Variants in RNF13 observed in about 807,000 individuals in gnomAD.
RNF13 encodes ring finger protein 13, also known as E3 ubiquitin-protein ligase RNF13.
RNF13 carries 19 observed loss-of-function variants against 37.7 expected under a neutral mutation model. The ratio of observed to expected loss-of-function variants is 0.50; its 90% confidence interval spans 0.35 to 0.74. The LOEUF (loss-of-function observed/expected upper bound fraction) is 0.74, where lower values mean the gene tolerates loss of function less well. Among genes scored for constraint, RNF13 ranks in the 30% least tolerant of loss-of-function variants. The pLI, the probability that RNF13 is intolerant of heterozygous loss-of-function variation, is 0.01. For missense variants in RNF13, 375 were observed against 453.0 expected, an observed-to-expected ratio of 0.83 and a Z score of 1.56; for synonymous variants, 144 against 157.8, an observed-to-expected ratio of 0.91 and a Z score of 0.65.
At chr3:149,954,514 T>A (rs1430208329) in intron 8 of RNF13, among the ~76,000 whole-genome samples, 1 of 152,220 alleles carries the variant, frequency 6.6e-6, no homozygotes, top group Non-Finnish European at 1.5e-5. Context: ...TTGGAAATAT[T>A]TGCCAATGAA....
At chr3:149,829,653 C>G (rs1720846355) in intron 1 of RNF13, among the ~76,000 whole-genome samples, 1 of 151,934 alleles carries the variant, frequency 6.6e-6, no homozygotes, top group Non-Finnish European at 1.5e-5. Context: ...AAAGAGAAGC[C>G]CTATTATTGT....
At chr3:149,944,748 A>G (rs1720604842) in intron 8 of RNF13, among the ~76,000 whole-genome samples, 1 of 152,052 alleles carries the variant, frequency 6.6e-6, no homozygotes, top group African/African-American at 2.4e-5. Flanking sequence ...ATTTTCTCCC[A>G]TTCTCTAGGT....
At chr3:149,887,732 T>TA (rs1343392024) in intron 4 of RNF13, among the ~76,000 whole-genome samples, 4 of 152,238 alleles carry the variant, frequency 2.6e-5, no homozygotes, top group African/African-American at 9.6e-5. Context: ...CCCTTTGCCC[T>TA]ACTCCCACCA....
chr3:149,852,831 C>A (rs2108391422), intron 3 of RNF13, among the ~76,000 whole-genome samples: 1 of 151,640 alleles, frequency 6.6e-6, no homozygotes, highest in South Asian at 2.1e-4. Context: ...ACATTTCAGA[C>A]CTGTTTTTTT....
chr3:149,960,852 T>G lies in RNF13; in HGVS notation c.894T>G (p.Ser298Arg). The change falls in exon 10 of 10, where the codon AGT becomes AGG. Residue 298 changes from serine to arginine, a missense_variant. By Grantham distance (110) the Ser-to-Arg change is moderately radical. Transcript: ENST00000392894. ...GCGATTCAGACTCTGACACAGACAG[T>G]AGTCAAGAAGAAAATGAAGTGACAG... ...SQGDSDSDTD[S>R]SQEENEVTEH... The G allele has an allele frequency of 6.2e-7, 1 of 1,614,128 alleles. No homozygotes were observed. The highest frequency in any genetic ancestry group is 8.5e-7 in the Non-Finnish European group (1 of 1,180,024).
intron 3 of RNF13, among the ~76,000 whole-genome samples, chr3:149,868,340 C>G (rs563110254): frequency 6.6e-6 from 1 of 151,694 alleles, no homozygotes; most frequent in East Asian, 1.9e-4. Context: ...GCACATTAGT[C>G]TTTATTCTTT....
intron 4 of RNF13, among the ~76,000 whole-genome samples, chr3:149,882,081 G>C (rs1713481911): frequency 6.6e-6 from 1 of 151,962 alleles, no homozygotes; most frequent in Admixed American, 6.6e-5. Context: ...AGTACCAGTG[G>C]TAAGCACAGA....
At chr3:149,853,449 A>AGG (rs1723300047) in intron 3 of RNF13, among the ~76,000 whole-genome samples, 10 of 114,090 alleles carry the variant, frequency 8.8e-5, no homozygotes, top group South Asian at 3.4e-4. Flanking sequence ...TGTGAGAGAG[A>AGG]GAGAGGGAGA....
At chr3:149,940,847 C>T (rs1559965490) in intron 8 of RNF13, among the ~76,000 whole-genome samples, 1 of 151,752 alleles carries the variant, frequency 6.6e-6, no homozygotes, top group East Asian at 1.9e-4. Context: ...CTAATAATTC[C>T]CTCTTTCTCT....
chr3:149,833,033 A>G (rs1221828320), intron 1 of RNF13, among the ~76,000 whole-genome samples: 4 of 152,078 alleles, frequency 2.6e-5, no homozygotes, highest in Non-Finnish European at 5.9e-5. Flanking sequence ...TAAGGGGCCA[A>G]AATTACCCTG....
chr3:149,826,003 TTATA>T (rs1720464723), intron 1 of RNF13, among the ~76,000 whole-genome samples: 1 of 152,188 alleles, frequency 6.6e-6, no homozygotes. Flanking sequence ...TAATAATCAT[TTATA>T]TTGAATACCT....
At chr3:149,952,288 C>G (rs1216890949) in intron 8 of RNF13, among the ~76,000 whole-genome samples, 1 of 151,952 alleles carries the variant, frequency 6.6e-6, no homozygotes, top group Admixed American at 6.6e-5. Context: ...GTATGACTTC[C>G]TGTAGTCACC....
chr3:149,949,579 C>A (rs571636336), intron 8 of RNF13, among the ~76,000 whole-genome samples: 9 of 152,026 alleles, frequency 5.9e-5, no homozygotes, highest in Middle Eastern at 3.4e-3. Context: ...ATCCATTTCT[C>A]TCAGATTTGG....
At chr3:149,922,844 T>C (rs955617531) in intron 8 of RNF13, among the ~76,000 whole-genome samples, 4 of 152,214 alleles carry the variant, frequency 2.6e-5, no homozygotes, top group African/African-American at 9.6e-5. Flanking sequence ...AAGTTTCCCC[T>C]ATAGTATAGT....
chr3:149,958,997 TTA>T (rs992282733), intron 8 of RNF13, among the ~76,000 whole-genome samples: 1 of 152,230 alleles, frequency 6.6e-6, no homozygotes, highest in African/African-American at 2.4e-5. Context: ...AGCACCTTTT[TTA>T]TGTGTCATGT....
intron 1 of RNF13, among the ~76,000 whole-genome samples, chr3:149,843,818 A>C (rs1722393043): frequency 6.6e-6 from 1 of 152,228 alleles, no homozygotes; most frequent in South Asian, 2.1e-4. Flanking sequence ...GTTGCTTAAC[A>C]GTTCTTAAGT....
intron 8 of RNF13, among the ~76,000 whole-genome samples, chr3:149,930,481 G>A (rs1314328657): frequency 6.6e-6 from 1 of 152,062 alleles, no homozygotes; most frequent in East Asian, 1.9e-4. Context: ...ATTTTGTTTA[G>A]GATTTATCAT....
chr3:149,907,064 G>A (rs1716491195), intron 6 of RNF13, among the ~76,000 whole-genome samples: 1 of 152,134 alleles, frequency 6.6e-6, no homozygotes, highest in South Asian at 2.1e-4. Context: ...CATAAGTGGA[G>A]TCTCCTCTTT....
chr3:149,907,952 G>A (rs1716602520), intron 6 of RNF13, among the ~76,000 whole-genome samples: 1 of 152,162 alleles, frequency 6.6e-6, no homozygotes, highest in Non-Finnish European at 1.5e-5. Context: ...TTAAAAAGCA[G>A]TTATGTTTCC....
Sources: gnomAD v4.1 joint callset for allele counts (sites outside exome capture counted in the v4.1 genomes callset) on GRCh38, gnomAD v4.1.1 for gene constraint, MANE v1.5 for transcripts, NCBI Gene and HGNC (gene_info 2026-07-23, HGNC 2026-07-21) for gene names.